Variants in ARHGAP15 observed in about 807,000 individuals in gnomAD.
The protein encoded by ARHGAP15 is rho GTPase-activating protein 15.
A neutral mutation model predicts 63.7 loss-of-function variants in ARHGAP15; 51 were observed. The ratio of observed to expected loss-of-function variants is 0.80; its 90% CI spans 0.64 to 1.01. ARHGAP15 has a LOEUF of 1.01. ARHGAP15 is among the 50% of genes least tolerant of loss of function. The pLI is 0.00. For missense variants in ARHGAP15, 560 were observed against 564.6 expected (o/e 0.99, Z 0.08); for synonymous variants, 191 against 193.8 (o/e 0.99, Z 0.12).
chr2:143,652,661 G>A (rs1483892513), intron 12 of ARHGAP15, among the ~76,000 whole-genome samples: 1 of 151,904 alleles, frequency 6.6e-6, no homozygotes, highest in Non-Finnish European at 1.5e-5. Context: ...TTATCCCCGA[G>A]TATTTCATAT....
chr2:143,636,531 C>T (rs1680324795), intron 12 of ARHGAP15, among the ~76,000 whole-genome samples: 1 of 152,102 alleles, frequency 6.6e-6, no homozygotes, highest in African/African-American at 2.4e-5. Context: ...GGGCCCCCTC[C>T]GTGTTAACTG....
chr2:143,545,278 C>T (rs1695280130), intron 10 of ARHGAP15, among the ~76,000 whole-genome samples: 1 of 152,092 alleles, frequency 6.6e-6, no homozygotes, highest in Admixed American at 6.5e-5. Flanking sequence ...GAATTGGAGG[C>T]ACCTCCCCAA....
chr2:143,652,240 A>T (rs1421449257), intron 12 of ARHGAP15, among the ~76,000 whole-genome samples: 2 of 152,034 alleles, frequency 1.3e-5, no homozygotes, highest in African/African-American at 4.8e-5. Flanking sequence ...TTGATATTTC[A>T]GGGCTTGTAG....
At chr2:143,287,055 G>A (rs1682141454) in intron 6 of ARHGAP15, among the ~76,000 whole-genome samples, 1 of 152,084 alleles carries the variant, frequency 6.6e-6, no homozygotes. Flanking sequence ...AGTTCTAGAG[G>A]TGAAATGGTT....
chr2:143,268,148 C>A (rs558399478), intron 6 of ARHGAP15, among the ~76,000 whole-genome samples: 2 of 150,854 alleles, frequency 1.3e-5, no homozygotes, highest in East Asian at 3.9e-4. Context: ...ATGTAACTAT[C>A]ATGGCAAACT....
At chr2:143,405,122 G>A (rs1688143135) in intron 6 of ARHGAP15, among the ~76,000 whole-genome samples, 2 of 151,762 alleles carry the variant, frequency 1.3e-5, no homozygotes, top group African/African-American at 2.4e-5. Flanking sequence ...TAAATAATTT[G>A]TAATGCAAAT....
intron 12 of ARHGAP15, among the ~76,000 whole-genome samples, chr2:143,668,330 C>T (rs1206892414): frequency 6.6e-6 from 1 of 151,192 alleles, no homozygotes; most frequent in Non-Finnish European, 1.5e-5. Context: ...GCATACAGAG[C>T]AAAGTTAGGC....
Position 143,361,805 on chromosome 2 carries a change from T to G in ARHGAP15, c.475-73796T>G, listed in dbSNP as rs187329653. Among the ~76,000 whole-genome samples the G allele has an allele frequency of 2.0e-3, 301 of 152,326 alleles. 1 individual carries two copies. Among genetic ancestry groups the G allele is most frequent in the African/African-American group, 7.0e-3 (289 of 41,574 alleles). On this transcript the variant is annotated intron_variant, in intron 6 of 13. Coordinates refer to ENST00000295095, the MANE Select transcript of ARHGAP15 (RefSeq NM_018460.4). Reference sequence around the variant, plus strand: ...CTTCTTGACCCACTCTAAGCCATTCTCCTGGGGCTGGCTGCCAGAGAGATT... The same window carrying G: ...CTTCTTGACCCACTCTAAGCCATTCGCCTGGGGCTGGCTGCCAGAGAGATT...
At chr2:143,670,706 T>C (rs1682476553) in intron 12 of ARHGAP15, among the ~76,000 whole-genome samples, 2 of 152,198 alleles carry the variant, frequency 1.3e-5, no homozygotes, top group Admixed American at 6.5e-5. Flanking sequence ...CATTGTCTCT[T>C]ATTCCATCAT....
chr2:143,234,744 T>G (rs1478830711), intron 5 of ARHGAP15, among the ~76,000 whole-genome samples: 12 of 152,196 alleles, frequency 7.9e-5, no homozygotes, highest in Admixed American at 7.2e-4. Context: ...GCCAGGACCT[T>G]GCTCCATTAT....
chr2:143,202,527 A>G (rs1362225281), intron 3 of ARHGAP15, among the ~76,000 whole-genome samples: 1 of 152,116 alleles, frequency 6.6e-6, no homozygotes, highest in Non-Finnish European at 1.5e-5. Flanking sequence ...CTCCAAAATA[A>G]CAGCTTGCTT....
At chr2:143,670,032 A>T (rs1682436232) in intron 12 of ARHGAP15, among the ~76,000 whole-genome samples, 1 of 152,196 alleles carries the variant, frequency 6.6e-6, no homozygotes, top group African/African-American at 2.4e-5. Context: ...ATTAGTGCTT[A>T]AGGTAAAGGC....
At chr2:143,668,892 A>G (rs1682373889) in intron 12 of ARHGAP15, among the ~76,000 whole-genome samples, 1 of 152,180 alleles carries the variant, frequency 6.6e-6, no homozygotes, top group African/African-American at 2.4e-5. Flanking sequence ...ATATTTCCCA[A>G]AGAGGAAGGA....
At chr2:143,717,564 A>G (rs907829565) in intron 13 of ARHGAP15, among the ~76,000 whole-genome samples, 1 of 152,210 alleles carries the variant, frequency 6.6e-6, no homozygotes, top group Non-Finnish European at 1.5e-5. Context: ...AATATTTCTT[A>G]GCCACTTCTT....
At chr2:143,461,126 C>A (rs1690912989) in intron 8 of ARHGAP15, among the ~76,000 whole-genome samples, 1 of 151,536 alleles carries the variant, frequency 6.6e-6, no homozygotes, top group East Asian at 1.9e-4. Flanking sequence ...CCTGTCTGTA[C>A]TAAAAATATA....
At chr2:143,146,228 G>A (rs1400116891) in intron 1 of ARHGAP15, among the ~76,000 whole-genome samples, 1 of 151,928 alleles carries the variant, frequency 6.6e-6, no homozygotes, top group African/African-American at 2.4e-5. Flanking sequence ...TAGACTTGTG[G>A]TTATAATACA....
intron 11 of ARHGAP15, among the ~76,000 whole-genome samples, chr2:143,560,095 A>G (rs924244693): frequency 5.3e-5 from 8 of 152,230 alleles, no homozygotes; most frequent in Admixed American, 2.0e-4. Flanking sequence ...ATCATCAGCA[A>G]TTCTAAATAC....
intron 5 of ARHGAP15, among the ~76,000 whole-genome samples, chr2:143,245,591 G>A (rs1412614246): frequency 6.6e-6 from 1 of 151,910 alleles, no homozygotes; most frequent in African/African-American, 2.4e-5. Context: ...AAGTGAGGGT[G>A]TGGAGTTGAT....
intron 5 of ARHGAP15, among the ~76,000 whole-genome samples, chr2:143,229,272 T>G (rs1693343799): frequency 6.6e-6 from 1 of 152,198 alleles, no homozygotes; most frequent in African/African-American, 2.4e-5. Flanking sequence ...ATTTTTTATC[T>G]TCGTCTAACT....
Sources: gnomAD v4.1 joint callset for allele counts (sites outside exome capture counted in the v4.1 genomes callset) on GRCh38, gnomAD v4.1.1 for gene constraint, MANE v1.5 for transcripts, NCBI Gene and HGNC (gene_info 2026-07-23, HGNC 2026-07-21) for gene names.